The following UST variants were observed in gnomAD, a reference collection of about 807,000 sequenced individuals.
UST encodes the protein chondroitin sulfate 2-O-sulfotransferase.
A neutral mutation model predicts 45.6 loss-of-function variants in UST; 21 were observed. The observed-to-expected ratio is 0.46, with a 90% CI of 0.33 to 0.66. The LOEUF is 0.66. Ranked by LOEUF, UST falls within the 30% of genes least tolerant of loss-of-function variation. The pLI is 0.02. For missense variants in UST, 463 were observed against 512.4 expected (o/e 0.90, Z 0.93); for synonymous variants, 215 against 200.6 (o/e 1.07, Z -0.61).
At chr6:148,924,096 TGACACAGGTATTATTTTCTCTA>T (rs771530017) in intron 2 of UST, among the ~76,000 whole-genome samples, 1 of 152,162 alleles carries the variant, frequency 6.6e-6, no homozygotes, top group Non-Finnish European at 1.5e-5. Flanking sequence ...CTAAGGGACT[TGACACAGGTATTATTTTCTCTA>T]GAAGATGGGT....
intron 1 of UST, among the ~76,000 whole-genome samples, chr6:148,869,407 A>T (rs1227981310): frequency 6.6e-6 from 1 of 152,244 alleles, no homozygotes; most frequent in Non-Finnish European, 1.5e-5. Flanking sequence ...AATAGACACC[A>T]TCAGGCTCAT....
At chr6:149,055,051 G>C (rs1250421238) in intron 7 of UST, among the ~76,000 whole-genome samples, 1 of 152,036 alleles carries the variant, frequency 6.6e-6, no homozygotes, top group Non-Finnish European at 1.5e-5. Context: ...ACTTCGAGCT[G>C]AAAGGACGGC....
chr6:148,919,360 T>C (rs1213246967), intron 2 of UST, among the ~76,000 whole-genome samples: 1 of 151,964 alleles, frequency 6.6e-6, no homozygotes, highest in Non-Finnish European at 1.5e-5. Context: ...AATGTCAGAG[T>C]CAGTTAGAAG....
Position 148,964,737 on chromosome 6 carries a change from G to A in UST, c.681+174G>A, listed in dbSNP as rs1562314920. 13 of 729,938 alleles carry A rather than the reference G, an allele frequency of 1.8e-5. No individual in the cohort carries two copies. In the South Asian group the frequency reaches 2.1e-4, roughly 12 times the overall value. The allele number at this position is 729,938 out of a possible 1,614,324, so 45.2% of individuals were successfully genotyped here. On this transcript the variant is annotated intron_variant, in intron 5 of 7. Coordinates refer to ENST00000367463, the MANE Select transcript of UST (RefSeq NM_005715.3). ...TCTTGGCGAGAGAAACTGGTTCCGG[G>A]TGACCCAGATCCTAATGAACATTTC...
intron 2 of UST, among the ~76,000 whole-genome samples, chr6:148,923,952 G>C (rs7743358): frequency 8.1e-4 from 123 of 152,246 alleles, no homozygotes; most frequent in African/African-American, 2.7e-3. Flanking sequence ...TAATATTGGT[G>C]ATATTTCCTT....
rs549641479 is a variant in UST, at chr6:148,749,129, T to G, written c.247+1452T>G. Among the ~76,000 whole-genome samples the G allele has an allele frequency of 3.9e-5, 6 of 152,308 alleles. No homozygotes were observed. In the South Asian group the frequency reaches 1.2e-3, roughly 32 times the overall value. On this transcript the variant is annotated intron_variant, in intron 1 of 7. Coordinates refer to ENST00000367463, the MANE Select transcript of UST (RefSeq NM_005715.3). Reference sequence around the variant, plus strand: ...GGGGAACTACAGATTACAGGAAAAGTTGGCCCAAGTAGATTTCCATAGCAT... The same window carrying G: ...GGGGAACTACAGATTACAGGAAAAGGTGGCCCAAGTAGATTTCCATAGCAT...
chr6:148,817,083 G>T (rs906188407), intron 1 of UST, among the ~76,000 whole-genome samples: 6 of 152,200 alleles, frequency 3.9e-5, no homozygotes, highest in African/African-American at 7.2e-5. Flanking sequence ...TTTGAAGTAT[G>T]CTAGGAGATT....
intron 7 of UST, among the ~76,000 whole-genome samples, chr6:149,037,617 A>G (rs1459665330): frequency 2.0e-5 from 3 of 152,226 alleles, no homozygotes; most frequent in Non-Finnish European, 4.4e-5. Flanking sequence ...CGGCCTGGCC[A>G]CAGCCAAGCA....
At chr6:148,833,124 A>G (rs991978111) in intron 1 of UST, among the ~76,000 whole-genome samples, 1 of 152,214 alleles carries the variant, frequency 6.6e-6, no homozygotes, top group Non-Finnish European at 1.5e-5. Context: ...GACTATGAAG[A>G]CAGTATCATA....
intron 2 of UST, among the ~76,000 whole-genome samples, chr6:148,927,771 G>A (rs1779843846): frequency 6.6e-6 from 1 of 152,198 alleles, no homozygotes; most frequent in Non-Finnish European, 1.5e-5. Flanking sequence ...AGCTGCCAAG[G>A]ATATGATGCC....
chr6:149,053,590 CA>C (rs1373584207), intron 7 of UST, among the ~76,000 whole-genome samples: 3 of 152,176 alleles, frequency 2.0e-5, no homozygotes, highest in Admixed American at 2.0e-4. Flanking sequence ...CAACTGACTT[CA>C]ACTATGTTTG....
intron 5 of UST, among the ~76,000 whole-genome samples, chr6:148,989,812 A>C: frequency 6.6e-6 from 1 of 152,246 alleles, no homozygotes; most frequent in Non-Finnish European, 1.5e-5. Context: ...CAAATAAAGG[A>C]GTCAGTGAGA....
chr6:148,918,563 ACT>A (rs1370058420), intron 2 of UST, among the ~76,000 whole-genome samples: 4 of 152,246 alleles, frequency 2.6e-5, no homozygotes, highest in East Asian at 3.9e-4. Flanking sequence ...CAAACAAAAT[ACT>A]CTCTTTTTTA....
intron 5 of UST, among the ~76,000 whole-genome samples, chr6:149,006,258 C>T (rs528401384): frequency 5.9e-5 from 9 of 152,170 alleles, no homozygotes; most frequent in South Asian, 2.1e-4. Context: ...CCCACTGACA[C>T]GCCCCAGTAT....
At chr6:149,032,042 G>A (rs988669497) in intron 7 of UST, among the ~76,000 whole-genome samples, 2 of 152,186 alleles carry the variant, frequency 1.3e-5, no homozygotes, top group African/African-American at 2.4e-5. Context: ...CCCTGCCTGC[G>A]GACCCAGCCT....
chr6:149,033,894 A>C (rs375427990), intron 7 of UST, among the ~76,000 whole-genome samples: 1 of 152,030 alleles, frequency 6.6e-6, no homozygotes, highest in African/African-American at 2.4e-5. Context: ...TCCTATTCCA[A>C]CCCTCCCAAA....
chr6:148,922,053 G>A (rs1323737714), intron 2 of UST, among the ~76,000 whole-genome samples: 1 of 152,208 alleles, frequency 6.6e-6, no homozygotes, highest in Non-Finnish European at 1.5e-5. Flanking sequence ...TCATGGTGGG[G>A]AAGAGAGATA....
At chr6:149,043,381 C>T (rs1582973819) in intron 7 of UST, among the ~76,000 whole-genome samples, 1 of 152,182 alleles carries the variant, frequency 6.6e-6, no homozygotes, top group Non-Finnish European at 1.5e-5. Flanking sequence ...AAAGTGTTAG[C>T]ATAACAGGTG....
At position 148,941,305 on chromosome 6, in the gene UST, G is replaced by A. The variant is rs1780121255; in HGVS notation, c.318G>A (p.Val106=). 2.5e-6 allele frequency: 4 copies of A among 1,612,510 alleles called. No homozygotes were observed. The highest frequency in any genetic ancestry group is 3.4e-6 in the Non-Finnish European group (4 of 1,179,674). ...SKVLPFPSQV[V]YNRVGKCGSR... is the part of the protein sequence containing the mutation. ...TACTACCTTTCCCAAGCCAGGTGGT[G>A]TACAACAGGGTAGGCAAGTGTGGGA... The change falls in exon 3 of 8, where the codon GTG becomes GTA. Residue 106 remains valine, a synonymous_variant. Coordinates refer to ENST00000367463, the MANE Select transcript of UST (RefSeq NM_005715.3).
Sources: gnomAD v4.1 joint callset for allele counts (sites outside exome capture counted in the v4.1 genomes callset) on GRCh38, gnomAD v4.1.1 for gene constraint, MANE v1.5 for transcripts, NCBI Gene and HGNC (gene_info 2026-07-23, HGNC 2026-07-21) for gene names.